OVOL3: variants seen among roughly 807,000 people sequenced by gnomAD.
The protein encoded by OVOL3 is putative transcription factor ovo-like protein 3.
Under a neutral mutation model 13.6 loss-of-function variants are expected in OVOL3, and 15 were observed. The ratio of observed to expected loss-of-function variants is 1.11; its 90% CI spans 0.74 to 1.70. The LOEUF (loss-of-function observed/expected upper bound fraction) is 1.70, where lower values mean the gene tolerates loss of function less well. OVOL3 is among the 40% of genes most tolerant of loss of function. OVOL3 has a pLI of 0.00. For missense variants in OVOL3, 290 were observed against 280.6 expected, an observed-to-expected ratio of 1.03 and a Z score of -0.24; for synonymous variants, 102 against 108.5, an observed-to-expected ratio of 0.94 and a Z score of 0.37.
intron 3 of OVOL3, 123 bp downstream of exon 3, chr19:36,113,087 CATG>C: frequency 9.0e-7 from 1 of 1,108,192 alleles, no homozygotes; most frequent in Non-Finnish European, 1.3e-6. Context: ...AGAATCAAGA[CATG>C]ATGTCTCTCG....
At position 36,113,483 on chromosome 19, in the gene OVOL3, G is replaced by C. The variant is rs1973876343; in HGVS notation, c.395G>C (p.Gly132Ala). 16 of 1,535,776 alleles carry C rather than the reference G, an allele frequency of 1.0e-5. No homozygotes were observed. The highest frequency in any genetic ancestry group is 1.4e-5 in the Non-Finnish European group (16 of 1,146,580). ...CGGCCCTTCCGCTGCAGTGCTTGCG[G>C]GAAAGCGTTTACGCAGCGCTGCTCC... Reference protein sequence around the residue: ...GIRPFRCSACGKAFTQRCSLE... With the variant: ...GIRPFRCSACAKAFTQRCSLE... Residue 132 changes from glycine (G) to alanine (A), a missense_variant, in exon 4 of 4, where the codon GGG becomes GCG. Coordinates refer to ENST00000633214, the MANE Select transcript of OVOL3 (RefSeq NM_001302757.2).
Position 36,113,494 on chromosome 19 carries a change from A to G in OVOL3, c.406A>G (p.Thr136Ala). 1 of 1,536,034 alleles carries G rather than the reference A, an allele frequency of 6.5e-7. No individual in the cohort carries two copies. The highest frequency in any genetic ancestry group is 8.7e-7 in the Non-Finnish European group (1 of 1,146,822). ...CTGCAGTGCTTGCGGGAAAGCGTTT[A>G]CGCAGCGCTGCTCCCTGGAAGCTCA... The part of the protein sequence containing the change: ...FRCSACGKAF[T>A]QRCSLEAHLA... Residue 136 changes from threonine to alanine, a missense_variant, in exon 4 of 4, where the codon ACG becomes GCG. Transcript: ENST00000633214.
At position 36,112,735 on chromosome 19, in the gene OVOL3, G is replaced by A. The variant is rs750683699; in HGVS notation, c.160-25G>A. The A allele has an allele frequency of 1.4e-5, 22 of 1,520,016 alleles. No individual in the cohort carries two copies. The South Asian group carries it at 2.5e-4, about 17-fold the overall frequency. 94.2% of individuals were successfully genotyped at this position (1,520,016 alleles called of 1,614,324 possible). A position where few individuals can be genotyped will look rare whatever the true frequency, so the allele number is the denominator to read the frequency against. Reference sequence around the variant, plus strand: ...GGGTGGATGGGGTCCAGCCAGAGAGGCTAATAACTCCTGCATCCCTCCAGC... The same window carrying A: ...GGGTGGATGGGGTCCAGCCAGAGAGACTAATAACTCCTGCATCCCTCCAGC... On this transcript the variant is annotated intron_variant, in intron 2 of 3. Transcript: ENST00000633214.
At chr19:36,112,654 TA>T in intron 2 of OVOL3, 105 bp from the exon 3 acceptor site, 1 of 1,072,196 alleles carries the variant, frequency 9.3e-7, no homozygotes, top group Non-Finnish European at 1.3e-6. Flanking sequence ...CCTGCCTTCC[TA>T]ATCCTCCGTG....
chr19:36,112,626 A>G (rs1973850357), intron 2 of OVOL3, 134 bp from the exon 3 acceptor site: 4 of 747,918 alleles, frequency 5.3e-6, no homozygotes, highest in African/African-American at 3.5e-5. Context: ...AGGCACACAC[A>G]CTAATCACTG....
In OVOL3 at chr19:36,112,914, A is replaced by C; in HGVS notation, c.314A>C (p.Lys105Thr). ...VRRHLCRCCGKGFHDAFDLKR... is the reference protein window; with the variant it reads ...VRRHLCRCCGTGFHDAFDLKR... ...CGCCACCTGTGCCGCTGTTGTGGCA[A>C]GGGCTTTCATGACGCCTTCGATCTC... Residue 105 changes from lysine to threonine, a missense_variant, in exon 3 of 4, where the codon AAG (lysine) becomes ACG (threonine). Coordinates refer to ENST00000633214, the MANE Select transcript of OVOL3 (RefSeq NM_001302757.2). The C allele has an allele frequency of 5.2e-6, 8 of 1,536,254 alleles. No homozygotes were observed. Among genetic ancestry groups the C allele is most frequent in the Non-Finnish European group, 6.1e-6 (7 of 1,146,936 alleles).
chr19:36,112,962 C>T lies in OVOL3; in HGVS notation c.362C>T (p.Thr121Ile). Residue 121 changes from threonine to isoleucine, a missense_variant and splice_region_variant, in exon 3 of 4, where the codon ACT (threonine) becomes ATT (isoleucine). Coordinates refer to ENST00000633214, the MANE Select transcript of OVOL3 (RefSeq NM_001302757.2). ...CTCAAGCGCCACATGAGGACTCACA[C>T]TGGTGAGCAGTGGCAGGGACAGGGA... ...FDLKRHMRTH[T>I]GIRPFRCSAC... 1.3e-6 allele frequency: 2 copies of T among 1,536,076 alleles called. No homozygotes were observed. The highest frequency in any genetic ancestry group is 1.7e-6 in the Non-Finnish European group (2 of 1,146,708).
rs781201742 is a variant in OVOL3 at position 36,111,432 on chromosome 19, C to T, written c.158C>T (p.Ala53Val). Residue 53 changes from alanine to valine, a missense_variant and splice_region_variant, in exon 2 of 4, where the codon GCG becomes GTG. Physicochemically the swap from Ala to Val is moderately conservative, Grantham distance 64. Coordinates refer to ENST00000633214, the MANE Select transcript of OVOL3 (RefSeq NM_001302757.2). ...QSSSVRDPWT[A>V]QPTQGNLTSA... ...TCCAGTGTCAGGGATCCGTGGACAG[C>T]GGTGAGTGTGTAACTGGCTAGCAAA... 14 of 1,535,716 alleles carry T rather than the reference C, an allele frequency of 9.1e-6. No homozygotes were observed. Among genetic ancestry groups the T allele is most frequent in the South Asian group, 4.8e-5 (4 of 84,058 alleles).
rs1444971042 is a variant in OVOL3, at chr19:36,111,370, C to T, written c.96C>T (p.Asp32=). Reference sequence around the variant, plus strand: ...TCACCATCTGGCTTTTCTCCTCAGACTGCAGCAGCCTGGGGGGGCCACCGG... The same window carrying T: ...TCACCATCTGGCTTTTCTCCTCAGATTGCAGCAGCCTGGGGGGGCCACCGG... The part of the protein sequence containing the change: ...DQLRGDAYIP[D]CSSLGGPPAQ... The change falls in exon 2 of 4, where the codon GAC becomes GAT. Residue 32 remains aspartate, a splice_region_variant and synonymous_variant. Coordinates refer to ENST00000633214, the MANE Select transcript of OVOL3 (RefSeq NM_001302757.2). 1 of 1,535,864 alleles carries T rather than the reference C, an allele frequency of 6.5e-7. No individual in the cohort carries two copies. Among genetic ancestry groups the T allele is most frequent in the East Asian group, 2.4e-5 (1 of 40,918 alleles).
rs1242902817 is a variant in OVOL3 at position 36,113,630 on chromosome 19, C to G, written c.542C>G (p.Ala181Gly). The G allele has an allele frequency of 9.7e-6, 15 of 1,546,366 alleles. No individual in the cohort carries two copies. The highest frequency in any genetic ancestry group is 1.2e-5 in the Non-Finnish European group (14 of 1,146,880). Residue 181 changes from alanine to glycine, a missense_variant, in exon 4 of 4, where the codon GCA becomes GGA. Ala to Gly is a moderately conservative substitution (Grantham distance 60, BLOSUM62 0). Coordinates refer to ENST00000633214, the MANE Select transcript of OVOL3 (RefSeq NM_001302757.2). ...GFTSSRPDTY[A>G]QHRALHRAA ...ACCAGCTCCCGGCCCGACACCTACG[C>G]ACAGCACCGCGCCCTGCACCGCGCA...
chr19:36,111,726 A>G (rs1382628497), intron 2 of OVOL3: 2 of 593,306 alleles, frequency 3.4e-6, no homozygotes, highest in East Asian at 3.7e-5. Flanking sequence ...AACATGGGAC[A>G]AGGCAACAGG....
intron 2 of OVOL3, 70 bp downstream of exon 2, chr19:36,111,503 C>T: frequency 6.8e-7 from 1 of 1,462,810 alleles, no homozygotes; most frequent in South Asian, 1.2e-5. Context: ...ATGAAGCTGA[C>T]AGCCCCTTGC....
chr19:36,113,409 T>G (rs906062063), intron 3 of OVOL3, 44 bp from the exon 4 acceptor site: 1 of 1,511,816 alleles, frequency 6.6e-7, no homozygotes, highest in Non-Finnish European at 8.9e-7. Context: ...CCAGAGCCCA[T>G]TGCCCTCTCT....
Position 36,111,437 on chromosome 19 carries a change from A to G in OVOL3, c.159+4A>G. The G allele has an allele frequency of 6.5e-7, 1 of 1,535,766 alleles. No homozygotes were observed. The highest frequency in any genetic ancestry group is 1.4e-5 in the African/African-American group (1 of 73,124). On this transcript the variant is annotated splice_donor_region_variant and intron_variant, in intron 2 of 3. Transcript: ENST00000633214. ...TGTCAGGGATCCGTGGACAGCGGTG[A>G]GTGTGTAACTGGCTAGCAAAGCCAG...
At chr19:36,111,953 C>T in intron 2 of OVOL3, 1 of 431,598 alleles carries the variant, frequency 2.3e-6, no homozygotes, top group East Asian at 7.1e-5. Flanking sequence ...GTAATTCCAG[C>T]ACTTTGGGAG....
Position 36,113,553 on chromosome 19 carries a change from C to A in OVOL3, c.465C>A (p.Tyr155Ter), listed in dbSNP as rs538686782. Residue 155 changes from tyrosine to a stop codon, truncating the protein, a stop_gained, in exon 4 of 4, where the codon TAC (tyrosine) becomes TAA (stop). Transcript: ENST00000633214. LOFTEE classifies it high-confidence loss of function. The stretch of plus-strand genomic sequence containing the variant: ...AGGTGCATGGACAGCCGGCCAGCTA[C>A]GCTTACCGTGAGCGCCGCGAGAAGC... ...LAKVHGQPAS[Y>*]AYRERREKLH... is the part of the protein sequence containing the mutation. The A allele has an allele frequency of 6.5e-7, 1 of 1,536,620 alleles. No individual in the cohort carries two copies. The highest frequency in any genetic ancestry group is 1.2e-5 in the South Asian group (1 of 84,070).
rs770638248 is a variant in OVOL3 at position 36,111,211 on chromosome 19, C to T, written c.9C>T (p.Arg3=). 51 of 1,534,160 alleles carry T rather than the reference C, an allele frequency of 3.3e-5. 1 individual carries two copies. In the South Asian group the frequency reaches 4.3e-4, roughly 13 times the overall value. MP[R]AFLVRSRRPQ... ...AGAGCCTTCCGGAGGGCATGCCCCG[C>T]GCCTTCCTGGTCAGGAGTCGGCGTC... Residue 3 remains arginine (R), a synonymous_variant, in exon 1 of 4, where the codon CGC becomes CGT. Transcript: ENST00000633214.
At position 36,111,178 on chromosome 19, in the gene OVOL3, G is replaced by T; in HGVS notation, c.-25G>T. 3 of 1,515,666 alleles carry T rather than the reference G, an allele frequency of 2.0e-6. No homozygotes were observed. In the Admixed American group the frequency reaches 6.0e-5, roughly 30 times the overall value. The allele number at this position is 1,515,666 out of a possible 1,614,324, so 93.9% of individuals were successfully genotyped here. A position where few individuals can be genotyped will look rare whatever the true frequency, so the allele number is the denominator to read the frequency against. On this transcript the variant is annotated 5_prime_UTR_variant, in exon 1 of 4. Transcript: ENST00000633214. ...CTGACAGCAGGTGGAAGCAGCCCCT[G>T]TGTGTGGAGAGCCTTCCGGAGGGCA...
chr19:36,113,324 G>A, intron 3 of OVOL3, 129 bp from the exon 4 acceptor site: 2 of 972,452 alleles, frequency 2.1e-6, no homozygotes, highest in Non-Finnish European at 3.1e-6. Context: ...TGGGTCATGG[G>A]CGGAAGAGTC....
Sources: allele counts gnomAD v4.1 joint callset, GRCh38; gene constraint gnomAD v4.1.1; transcripts MANE v1.5; gene names NCBI Gene and HGNC (gene_info 2026-07-23, HGNC 2026-07-21).